B4GALT6: variants seen among roughly 807,000 people sequenced by gnomAD.
B4GALT6 encodes the protein UDP-Gal:beta-GlcNAc beta-1,4-galactosyltransferase 6.
Under a neutral mutation model 46.3 loss-of-function variants are expected in B4GALT6, and 14 were observed. The ratio of observed to expected loss-of-function variants is 0.30; its 90% confidence interval spans 0.20 to 0.47. The LOEUF is 0.47. Ranked by LOEUF, B4GALT6 falls within the 20% of genes least tolerant of loss-of-function variation. The pLI is 0.99. For synonymous variants in B4GALT6, 168 were observed against 162.0 expected, an observed-to-expected ratio of 1.04 and a Z score of -0.28; for missense variants, 386 against 480.1, an observed-to-expected ratio of 0.80 and a Z score of 1.83.
the B4GALT6 span, among the ~76,000 whole-genome samples, chr18:31,693,270 G>A: frequency 6.6e-6 from 1 of 152,170 alleles, no homozygotes; most frequent in African/African-American, 2.4e-5. Flanking sequence ...GGATGGTTTG[G>A]CCTTTGTTTA....
intron 3 of B4GALT6, among the ~76,000 whole-genome samples, chr18:31,645,832 TTTTTAA>T (rs1322452506): frequency 6.6e-6 from 1 of 152,246 alleles, no homozygotes; most frequent in Admixed American, 6.5e-5. Context: ...TTTAATACCA[TTTTTAA>T]TTTTAACATT....
At chr18:31,631,353 C>T (rs3794882) in intron 5 of B4GALT6, among the ~76,000 whole-genome samples, 55,548 of 151,718 alleles carry the variant, frequency 0.37, 10,277 homozygotes, top group Middle Eastern at 0.49. Flanking sequence ...CGCCCGGCCC[C>T]CATCTGACTT....
At chr18:31,633,602 A>C (rs538205238) in intron 5 of B4GALT6, among the ~76,000 whole-genome samples, 1 of 152,224 alleles carries the variant, frequency 6.6e-6, no homozygotes, top group Non-Finnish European at 1.5e-5. Context: ...CTCACCCTGC[A>C]CTTCCTTATT....
the B4GALT6 span, among the ~76,000 whole-genome samples, chr18:31,719,866 G>A: frequency 6.6e-6 from 1 of 152,158 alleles, no homozygotes; most frequent in Non-Finnish European, 1.5e-5. Flanking sequence ...ATCAAGTGCA[G>A]GGTCTGCAAA....
At chr18:31,675,308 CAT>C (rs1163314889) in intron 1 of B4GALT6, among the ~76,000 whole-genome samples, 4 of 152,208 alleles carry the variant, frequency 2.6e-5, no homozygotes, top group Admixed American at 6.5e-5. Flanking sequence ...TGTTTATCCA[CAT>C]GTTTATTGAG....
intron 2 of B4GALT6, among the ~76,000 whole-genome samples, chr18:31,661,048 T>C (rs1387582469): frequency 6.6e-6 from 1 of 152,156 alleles, no homozygotes; most frequent in Non-Finnish European, 1.5e-5. Flanking sequence ...CAGCGATAGA[T>C]TAAGACGGCT....
chr18:31,645,290 C>T, intron 4 of B4GALT6, 65 bp downstream of exon 4: 1 of 1,590,080 alleles, frequency 6.3e-7, no homozygotes, highest in Non-Finnish European at 8.5e-7. Context: ...TATTCTGAAT[C>T]AAGCACATTC....
chr18:31,717,870 C>T, the B4GALT6 span, among the ~76,000 whole-genome samples: 1 of 150,194 alleles, frequency 6.7e-6, no homozygotes, highest in African/African-American at 2.5e-5. Flanking sequence ...AGGAGAATCA[C>T]TTGAACCCGG....
At chr18:31,709,632 C>T in the B4GALT6 span, among the ~76,000 whole-genome samples, 1 of 144,530 alleles carries the variant, frequency 6.9e-6, no homozygotes, top group African/African-American at 2.6e-5. Flanking sequence ...TGTAATCCTG[C>T]ATTGATTGCA....
At chr18:31,629,833 A>G (rs1176927218) in intron 6 of B4GALT6, among the ~76,000 whole-genome samples, 7 of 148,670 alleles carry the variant, frequency 4.7e-5, no homozygotes, top group African/African-American at 1.2e-4. Context: ...ATGGGCGACA[A>G]AGCGAGACTC....
chr18:31,628,865 G>A (rs1388696636), intron 6 of B4GALT6, among the ~76,000 whole-genome samples: 1 of 152,196 alleles, frequency 6.6e-6, no homozygotes, highest in Non-Finnish European at 1.5e-5. Context: ...GGTTTGAGCT[G>A]CACAAGTCCA....
intron 1 of B4GALT6, among the ~76,000 whole-genome samples, chr18:31,678,759 T>C (rs1218285710): frequency 6.6e-6 from 1 of 152,244 alleles, no homozygotes; most frequent in Non-Finnish European, 1.5e-5. Context: ...GCTCTGCTCA[T>C]AGCTCTGGCT....
chr18:31,637,877 T>A (rs2073879741), intron 5 of B4GALT6, among the ~76,000 whole-genome samples: 1 of 152,240 alleles, frequency 6.6e-6, no homozygotes, highest in African/African-American at 2.4e-5. Flanking sequence ...TGAGTCCAGA[T>A]GTCTGTACAT....
At chr18:31,705,814 G>A in the B4GALT6 span, among the ~76,000 whole-genome samples, 1 of 152,188 alleles carries the variant, frequency 6.6e-6, no homozygotes, top group Non-Finnish European at 1.5e-5. Context: ...TTTCTGTAAG[G>A]TAGAAAAGAT....
intron 6 of B4GALT6, 75 bp from the exon 7 acceptor site, chr18:31,627,196 T>C (rs952607635): frequency 1.6e-5 from 21 of 1,351,492 alleles, no homozygotes; most frequent in Non-Finnish European, 2.0e-5. Context: ...TTTCAGCCTT[T>C]TATGTGCTTT....
chr18:31,685,595 C>G (rs1441487022), upstream of B4GALT6: 1 of 152,440 alleles, frequency 6.6e-6, no homozygotes, highest in Non-Finnish European at 1.5e-5. Context: ...GCACCGGGGC[C>G]CCACCGCCTC....
chr18:31,684,904 C>A (rs1390247682), upstream of B4GALT6, among the ~76,000 whole-genome samples: 5 of 149,612 alleles, frequency 3.3e-5, no homozygotes, highest in Non-Finnish European at 7.4e-5. Context: ...GCTTAAGGTC[C>A]GGGCCGCCCG....
upstream of B4GALT6, chr18:31,684,682 G>T: frequency 8.8e-7 from 1 of 1,142,854 alleles, no homozygotes; most frequent in Non-Finnish European, 1.1e-6. Flanking sequence ...AGAGGGGACT[G>T]GGGGCTAGGG....
upstream of B4GALT6, among the ~76,000 whole-genome samples, chr18:31,689,054 T>C (rs1247107427): frequency 6.6e-6 from 1 of 152,226 alleles, no homozygotes; most frequent in African/African-American, 2.4e-5. Flanking sequence ...GGGGAAAAAC[T>C]GGTACATAAA....
Sources: gnomAD v4.1 joint callset for allele counts (sites outside exome capture counted in the v4.1 genomes callset) on GRCh38, gnomAD v4.1.1 for gene constraint, MANE v1.5 for transcripts, NCBI Gene and HGNC (gene_info 2026-07-23, HGNC 2026-07-21) for gene names.